The following GRID2 variants were observed in gnomAD, a reference collection of about 807,000 sequenced individuals.
The protein encoded by GRID2 is glutamate receptor ionotropic, delta-2.
GRID2 carries 33 observed loss-of-function variants against 114.8 expected under a neutral mutation model. The ratio of observed to expected loss-of-function variants is 0.29; its 90% confidence interval spans 0.22 to 0.38. The LOEUF is 0.38. GRID2 is among the 10% of genes least tolerant of loss of function. GRID2 has a pLI of 1.00. For missense variants in GRID2, 1,184 were observed against 1,257.7 expected (o/e 0.94, Z 0.89); for synonymous variants, 505 against 449.9 (o/e 1.12, Z -1.55).
chr4:92,953,183 G>A (rs971802695), intron 2 of GRID2, among the ~76,000 whole-genome samples: 3 of 152,142 alleles, frequency 2.0e-5, no homozygotes, highest in Admixed American at 1.3e-4. Flanking sequence ...CACATTCAGA[G>A]GGACTGGGAG....
At chr4:93,096,979 G>T (rs1464857168) in intron 3 of GRID2, among the ~76,000 whole-genome samples, 1 of 151,894 alleles carries the variant, frequency 6.6e-6, no homozygotes, top group Non-Finnish European at 1.5e-5. Flanking sequence ...AATAAGTAAT[G>T]AACTATTGAA....
chr4:92,461,269 G>T (rs1403112218), intron 1 of GRID2, among the ~76,000 whole-genome samples: 1 of 151,816 alleles, frequency 6.6e-6, no homozygotes. Context: ...ATAGGTTCTT[G>T]GAAACTGTGA....
chr4:92,697,090 T>A (rs1734455356), intron 2 of GRID2, among the ~76,000 whole-genome samples: 1 of 152,230 alleles, frequency 6.6e-6, no homozygotes, highest in South Asian at 2.1e-4. Context: ...ATGAGCAAGC[T>A]TTTAAATATT....
At chr4:92,484,477 G>A (rs985378344) in intron 1 of GRID2, among the ~76,000 whole-genome samples, 1 of 152,110 alleles carries the variant, frequency 6.6e-6, no homozygotes, top group African/African-American at 2.4e-5. Context: ...TCTTCATAGA[G>A]TACTCAGAAA....
chr4:93,584,207 C>T (rs1737307027), intron 13 of GRID2, among the ~76,000 whole-genome samples: 1 of 152,184 alleles, frequency 6.6e-6, no homozygotes, highest in Non-Finnish European at 1.5e-5. Context: ...GAAGGGCTAT[C>T]CCTCTAAAGG....
chr4:93,167,017 G>A (rs1363620310), intron 4 of GRID2, among the ~76,000 whole-genome samples: 1 of 152,138 alleles, frequency 6.6e-6, no homozygotes, highest in Admixed American at 6.6e-5. Flanking sequence ...GTTAATGGGA[G>A]CAAGTTGTGT....
intron 4 of GRID2, among the ~76,000 whole-genome samples, chr4:93,150,546 G>T (rs1026331465): frequency 1.3e-5 from 2 of 152,064 alleles, no homozygotes; most frequent in Admixed American, 6.6e-5. Flanking sequence ...CCAAGTAGGG[G>T]CATGAGTTTA....
intron 2 of GRID2, among the ~76,000 whole-genome samples, chr4:92,895,514 A>G (rs1747101390): frequency 6.6e-6 from 1 of 151,454 alleles, no homozygotes; most frequent in Non-Finnish European, 1.5e-5. Context: ...TGATGTAGGA[A>G]GGTAGAATTT....
chr4:92,559,831 A>G (rs1579581230), intron 1 of GRID2, among the ~76,000 whole-genome samples: 1 of 152,200 alleles, frequency 6.6e-6, no homozygotes, highest in East Asian at 1.9e-4. Flanking sequence ...CTGAGACCAA[A>G]TCATAACTCA....
At position 92,632,690 on chromosome 4, in the gene GRID2, A is replaced by AAGTGAAGAAAGGGAAGGAAGGGAAGG. The variant is rs1560500513; in HGVS notation, c.244+42430_244+42455dup. 3.7e-3 allele frequency among the ~76,000 whole-genome samples: 553 copies of AAGTGAAGAAAGGGAAGGAAGGGAAGG among 150,606 alleles called. 7 individuals carry two copies. Among genetic ancestry groups the AAGTGAAGAAAGGGAAGGAAGGGAAGG allele is most frequent in the African/African-American group, 0.013 (513 of 40,326 alleles). ...AGTGAAGAAAGGAAAGGAAGGGAAG[A>AAGTGAAGAAAGGGAAGGAAGGGAAGG]AGTGAAGAAAGGGAAGGAAGGGAAG... On this transcript the variant is annotated intron_variant, in intron 2 of 15. Transcript: ENST00000282020.
At chr4:93,703,819 A>G (rs1488369152) in intron 14 of GRID2, among the ~76,000 whole-genome samples, 1 of 152,110 alleles carries the variant, frequency 6.6e-6, no homozygotes, top group East Asian at 1.9e-4. Context: ...TACAAAGGAC[A>G]TGAGCTCATC....
At chr4:92,804,528 T>C (rs1242061494) in intron 2 of GRID2, among the ~76,000 whole-genome samples, 2 of 152,020 alleles carry the variant, frequency 1.3e-5, no homozygotes, top group Non-Finnish European at 2.9e-5. Flanking sequence ...TATGTACAGA[T>C]ATATACTCAG....
chr4:92,441,160 G>A (rs1412044528), intron 1 of GRID2, among the ~76,000 whole-genome samples: 1 of 151,524 alleles, frequency 6.6e-6, no homozygotes, highest in Admixed American at 6.6e-5. Flanking sequence ...CACTAACCAT[G>A]CCTAGGAAGG....
chr4:93,348,496 G>A (rs1192454132), intron 8 of GRID2, among the ~76,000 whole-genome samples: 2 of 152,142 alleles, frequency 1.3e-5, no homozygotes, highest in East Asian at 1.9e-4. Flanking sequence ...AATGTCCGAA[G>A]CAAAGTGTTT....
intron 2 of GRID2, among the ~76,000 whole-genome samples, chr4:92,921,825 T>A (rs1336878574): frequency 1.3e-5 from 2 of 152,212 alleles, no homozygotes; most frequent in Non-Finnish European, 2.9e-5. Context: ...GTCTGTCTGT[T>A]CTCAGATCTC....
chr4:92,754,438 A>T (rs1297234312), intron 2 of GRID2, among the ~76,000 whole-genome samples: 2 of 152,092 alleles, frequency 1.3e-5, no homozygotes, highest in Non-Finnish European at 2.9e-5. Flanking sequence ...CCTATAAACT[A>T]TAGGATCAAA....
At chr4:92,322,483 A>G (rs1394343922) in intron 1 of GRID2, among the ~76,000 whole-genome samples, 1 of 152,104 alleles carries the variant, frequency 6.6e-6, no homozygotes, top group Non-Finnish European at 1.5e-5. Flanking sequence ...ATTTACCCTG[A>G]TGTGATTACT....
chr4:93,113,874 G>T (rs1732999394), intron 4 of GRID2, among the ~76,000 whole-genome samples: 1 of 152,136 alleles, frequency 6.6e-6, no homozygotes, highest in Non-Finnish European at 1.5e-5. Flanking sequence ...GCAGCAGGAA[G>T]ACCATAAATA....
chr4:92,496,541 G>A (rs1413282371), intron 1 of GRID2, among the ~76,000 whole-genome samples: 2 of 151,798 alleles, frequency 1.3e-5, no homozygotes, highest in African/African-American at 2.4e-5. Context: ...TGAAAGAGAA[G>A]TTGAAGTTTA....
Sources: gnomAD v4.1 joint callset for allele counts (sites outside exome capture counted in the v4.1 genomes callset) on GRCh38, gnomAD v4.1.1 for gene constraint, MANE v1.5 for transcripts, NCBI Gene and HGNC (gene_info 2026-07-23, HGNC 2026-07-21) for gene names.